Variants in RHOBTB1 observed in about 807,000 individuals in gnomAD.
RHOBTB1 encodes rho-related BTB domain-containing protein 1.
RHOBTB1 carries 40 observed loss-of-function variants against 71.6 expected under a neutral mutation model. The observed-to-expected ratio is 0.56, with a 90% confidence interval of 0.43 to 0.73. The LOEUF (loss-of-function observed/expected upper bound fraction) is 0.73, where lower values mean the gene tolerates loss of function less well. Among genes scored for constraint, RHOBTB1 ranks in the 30% least tolerant of loss-of-function variants. The probability of loss-of-function intolerance (pLI) is 0.00; values close to 1 mark genes in which losing one functional copy is unlikely to be tolerated. For synonymous variants in RHOBTB1, 319 were observed against 334.9 expected (o/e 0.95, Z 0.52); for missense variants, 797 against 894.0 (o/e 0.89, Z 1.38).
Position 60,986,117 on chromosome 10 carries a change from AG to A in RHOBTB1, c.-162-173del, listed in dbSNP as rs527868143. Among the ~76,000 whole-genome samples the A allele has an allele frequency of 3.8e-3, 571 of 152,218 alleles. 6 individuals are homozygous for A. The highest frequency in any genetic ancestry group is 0.013 in the African/African-American group (544 of 41,546). ...CTGCTTACAAAAGTTAGAGCAAAGA[AG>A]GCTGAAATGACTACTGCCTTTGGAG... On this transcript the variant is annotated intron_variant, in intron 1 of 11. Transcript: ENST00000357917.
At chr10:60,928,545 C>T (rs2084029343) in intron 2 of RHOBTB1, among the ~76,000 whole-genome samples, 1 of 151,742 alleles carries the variant, frequency 6.6e-6, no homozygotes, top group African/African-American at 2.4e-5. Context: ...TTCATGTTCT[C>T]ACTCATATAC....
At position 60,888,600 on chromosome 10, in the gene RHOBTB1, A is replaced by T; in HGVS notation, c.1068T>A (p.Ala356=). 1.2e-6 allele frequency: 2 copies of T among 1,614,154 alleles called. No individual in the cohort carries two copies. The highest frequency in any genetic ancestry group is 1.7e-6 in the Non-Finnish European group (2 of 1,180,032). ...WKSSNKSLVE[A]LGLEAEGAVP... Reference sequence around the variant, plus strand: ...CTGCACCCTCGGCTTCCAGCCCCAGAGCCTCCACCAGGCTCTTGTTTGAAG... The same window carrying T: ...CTGCACCCTCGGCTTCCAGCCCCAGTGCCTCCACCAGGCTCTTGTTTGAAG... Residue 356 remains alanine (A), a synonymous_variant, in exon 6 of 11, where the codon GCT becomes GCA. Transcript: ENST00000337910.
chr10:60,903,968 T>C (rs959217432), intron 4 of RHOBTB1, among the ~76,000 whole-genome samples: 55 of 152,308 alleles, frequency 3.6e-4, no homozygotes, highest in South Asian at 1.0e-3. Flanking sequence ...TTCTTTTCTT[T>C]TCTTTTTTTT....
chr10:60,938,594 C>T lies in RHOBTB1; in HGVS notation c.-11+3210G>A, dbSNP rs1294471755. 2.0e-5 allele frequency among the ~76,000 whole-genome samples: 3 copies of T among 152,120 alleles called. No homozygotes were observed. The East Asian group carries it at 5.8e-4, about 29-fold the overall frequency. On this transcript the variant is annotated intron_variant, in intron 2 of 10. Coordinates refer to ENST00000337910, the MANE Select transcript of RHOBTB1 (RefSeq NM_014836.5). Reference sequence around the variant, plus strand: ...GACCTAAGCAGTTAGCCAATTTATCCAGGCAAAAATGTTGTGTAGTTCAAA... The same window carrying T: ...GACCTAAGCAGTTAGCCAATTTATCTAGGCAAAAATGTTGTGTAGTTCAAA...
At chr10:60,953,063 C>T (rs1225718731) in intron 2 of RHOBTB1, among the ~76,000 whole-genome samples, 1 of 152,032 alleles carries the variant, frequency 6.6e-6, no homozygotes, top group African/African-American at 2.4e-5. Flanking sequence ...GTACCTTGTG[C>T]CAGCAAGGTC....
chr10:60,872,360 C>A, intron 9 of RHOBTB1, 70 bp from the exon 10 acceptor site: 1 of 1,089,510 alleles, frequency 9.2e-7, no homozygotes, highest in Non-Finnish European at 1.4e-6. Flanking sequence ...ATTGGGGAAG[C>A]CATTTTAAGG....
At chr10:60,962,341 T>C (rs2085812010) in intron 2 of RHOBTB1, among the ~76,000 whole-genome samples, 1 of 152,084 alleles carries the variant, frequency 6.6e-6, no homozygotes, top group Admixed American at 6.6e-5. Context: ...AGATAATATA[T>C]CAAAATATGC....
At chr10:60,966,388 G>A (rs1273190979) in intron 2 of RHOBTB1, among the ~76,000 whole-genome samples, 2 of 151,694 alleles carry the variant, frequency 1.3e-5, no homozygotes. Context: ...GACAGTTGGA[G>A]GCCAGGGGTG....
chr10:60,911,430 G>A lies in RHOBTB1; in HGVS notation c.113C>T (p.Thr38Ile). 6.2e-7 allele frequency: 1 copy of A among 1,614,196 alleles called. No individual in the cohort carries two copies. Among genetic ancestry groups the A allele is most frequent in the Non-Finnish European group, 8.5e-7 (1 of 1,180,044 alleles). ...TRLICARACN[T>I]TLTQYQLLAT... is the part of the protein sequence containing the mutation. ...CAGCAGCTGATACTGCGTGAGTGTG[G>A]TGTTGCACGCCCTGGCACAGATCAA... Residue 38 changes from threonine to isoleucine, a missense_variant, in exon 3 of 11, where the codon ACC becomes ATC. Physicochemically the swap from Thr to Ile is moderately conservative, Grantham distance 89. Coordinates refer to ENST00000337910, the MANE Select transcript of RHOBTB1 (RefSeq NM_014836.5).
intron 2 of RHOBTB1, among the ~76,000 whole-genome samples, chr10:60,927,730 C>T (rs2083971879): frequency 6.6e-6 from 1 of 152,128 alleles, no homozygotes; most frequent in Non-Finnish European, 1.5e-5. Context: ...AGATTAAATA[C>T]TTATATCTAA....
At chr10:60,983,769 G>A (rs1441322637) in intron 2 of RHOBTB1, among the ~76,000 whole-genome samples, 3 of 152,138 alleles carry the variant, frequency 2.0e-5, no homozygotes, top group African/African-American at 7.2e-5. Flanking sequence ...TTGTGCCCCT[G>A]GGTACCTTCC....
At chr10:60,966,896 T>C (rs2085982247) in intron 2 of RHOBTB1, among the ~76,000 whole-genome samples, 1 of 151,214 alleles carries the variant, frequency 6.6e-6, no homozygotes. Context: ...GTCCAAGTGT[T>C]CTATTAAGAA....
intron 2 of RHOBTB1, among the ~76,000 whole-genome samples, chr10:60,938,278 T>C (rs1288652552): frequency 6.6e-6 from 1 of 152,224 alleles, no homozygotes; most frequent in Non-Finnish European, 1.5e-5. Flanking sequence ...ACTTGCTAGT[T>C]GTATTTCAGG....
chr10:60,951,819 G>T (rs2085418039), intron 2 of RHOBTB1, among the ~76,000 whole-genome samples: 1 of 152,182 alleles, frequency 6.6e-6, no homozygotes, highest in African/African-American at 2.4e-5. Context: ...TGATTTGGGA[G>T]GCCAAGGCGG....
chr10:60,989,541 A>G (rs990714206), intron 1 of RHOBTB1, among the ~76,000 whole-genome samples: 1 of 152,144 alleles, frequency 6.6e-6, no homozygotes, highest in African/African-American at 2.4e-5. Context: ...TCATAGGCAA[A>G]CTACTGCAAA....
intron 2 of RHOBTB1, among the ~76,000 whole-genome samples, chr10:60,933,500 T>C (rs1187769104): frequency 6.6e-6 from 1 of 152,040 alleles, no homozygotes; most frequent in African/African-American, 2.4e-5. Flanking sequence ...GGCAGGCAGA[T>C]CACAAGGTCA....
At chr10:60,989,609 A>G (rs1399373577) in intron 1 of RHOBTB1, among the ~76,000 whole-genome samples, 1 of 152,226 alleles carries the variant, frequency 6.6e-6, no homozygotes, top group African/African-American at 2.4e-5. Flanking sequence ...ACAGCAGTTC[A>G]GTCTAACCTC....
At chr10:60,986,419 AT>A (rs1158130955) in intron 1 of RHOBTB1, among the ~76,000 whole-genome samples, 4 of 144,730 alleles carry the variant, frequency 2.8e-5, no homozygotes, top group Non-Finnish European at 6.0e-5. Flanking sequence ...ATATATATAT[AT>A]ATATATATAT....
At chr10:60,879,818 T>G (rs924816945) in intron 7 of RHOBTB1, among the ~76,000 whole-genome samples, 3 of 151,884 alleles carry the variant, frequency 2.0e-5, no homozygotes, top group African/African-American at 7.3e-5. Flanking sequence ...ACACACACAC[T>G]CAGGCACACA....
Sources: allele counts gnomAD v4.1 joint callset (sites outside exome capture counted in the v4.1 genomes callset), GRCh38; gene constraint gnomAD v4.1.1; transcripts MANE v1.5; gene names NCBI Gene and HGNC (gene_info 2026-07-23, HGNC 2026-07-21).